TTC17: variants seen among roughly 807,000 people sequenced by gnomAD.
The protein encoded by TTC17 is tetratricopeptide repeat protein 17.
A neutral mutation model predicts 143.8 loss-of-function variants in TTC17; 58 were observed. That is an observed-to-expected ratio of 0.40 (90% confidence interval 0.33 to 0.50). TTC17 has a LOEUF of 0.50. Ranked by LOEUF, TTC17 falls within the 20% of genes least tolerant of loss-of-function variation. TTC17 has a pLI of 0.49. For missense variants in TTC17, 1,273 were observed against 1,392.5 expected, an observed-to-expected ratio of 0.91 and a Z score of 1.37; for synonymous variants, 501 against 497.8, an observed-to-expected ratio of 1.01 and a Z score of -0.09.
At chr11:43,456,103 C>A (rs1292302130) in intron 21 of TTC17, among the ~76,000 whole-genome samples, 1 of 151,962 alleles carries the variant, frequency 6.6e-6, no homozygotes, top group Non-Finnish European at 1.5e-5. Context: ...TATATCCAGA[C>A]TTGTGCAAAC....
At chr11:43,439,672 T>C (rs1947371988) in intron 16 of TTC17, among the ~76,000 whole-genome samples, 1 of 152,090 alleles carries the variant, frequency 6.6e-6, no homozygotes, top group South Asian at 2.1e-4. Flanking sequence ...GGTTTCACCA[T>C]GTTGGCCAGG....
intron 21 of TTC17, among the ~76,000 whole-genome samples, chr11:43,464,092 A>G (rs747036413): frequency 3.3e-4 from 50 of 152,210 alleles, no homozygotes; most frequent in Admixed American, 7.2e-4. Flanking sequence ...CCTGGCCAAC[A>G]TGATGAAACT....
chr11:43,493,034 G>A (rs1019565853), intron 23 of TTC17, among the ~76,000 whole-genome samples: 2 of 152,218 alleles, frequency 1.3e-5, no homozygotes, highest in Non-Finnish European at 2.9e-5. Context: ...AGGTATTGCC[G>A]AATATGCAGA....
Position 43,387,692 on chromosome 11 carries a change from G to A in TTC17, c.250-1960G>A, listed in dbSNP as rs549254550. 8.3e-4 allele frequency among the ~76,000 whole-genome samples: 126 copies of A among 152,002 alleles called. 1 individual carries two copies. The South Asian group carries it at 9.1e-3, about 11-fold the overall frequency. ...CTGAGGGAAAAAGAAAGAACATGGT[G>A]AAGCACACACTAACTCTATAAAACC... is the stretch of plus-strand genomic sequence containing the variant. On this transcript the variant is annotated intron_variant, in intron 2 of 23. Transcript: ENST00000039989.
intron 2 of TTC17, among the ~76,000 whole-genome samples, chr11:43,388,600 A>G (rs1408107665): frequency 1.3e-5 from 2 of 150,644 alleles, no homozygotes; most frequent in South Asian, 2.1e-4. Flanking sequence ...ACACTTTGGG[A>G]GGCCAGGGTG....
chr11:43,382,959 G>A (rs1362300312), intron 2 of TTC17, among the ~76,000 whole-genome samples: 1 of 151,896 alleles, frequency 6.6e-6, no homozygotes, highest in Non-Finnish European at 1.5e-5. Flanking sequence ...GAGTGCAGTG[G>A]CATGAACACG....
intron 15 of TTC17, among the ~76,000 whole-genome samples, chr11:43,412,981 GACACACAC>G (rs57982323): frequency 0.33 from 45,859 of 140,298 alleles, 8,069 homozygotes; most frequent in Non-Finnish European, 0.42. Flanking sequence ...ACCTAGAATA[GACACACAC>G]ACACACACAC....
chr11:43,404,140 A>G lies in TTC17; in HGVS notation c.1475A>G (p.Tyr492Cys), dbSNP rs767352310. The change falls in exon 11 of 24, where the codon TAT (tyrosine) becomes TGT (cysteine). Residue 492 changes from tyrosine to cysteine, a missense_variant. Coordinates refer to ENST00000039989, the MANE Select transcript of TTC17 (RefSeq NM_018259.6). ...ATTTGGGGCAGGGACTCTGATGCAT[A>G]TAGGGTAAGTTAATAGAGGATGACG... ...LWIWGRDSDA[Y>C]RDKQHILWPK... 1 of 1,608,820 alleles carries G rather than the reference A, an allele frequency of 6.2e-7. No individual in the cohort carries two copies. The highest frequency in any genetic ancestry group is 2.2e-5 in the East Asian group (1 of 44,846).
At chr11:43,394,788 G>C (rs1275883560) in intron 5 of TTC17, among the ~76,000 whole-genome samples, 1 of 152,208 alleles carries the variant, frequency 6.6e-6, no homozygotes, top group East Asian at 1.9e-4. Context: ...CTGGGGAAGA[G>C]TGAAGTTTGA....
At chr11:43,384,228 G>T (rs908292650) in intron 2 of TTC17, among the ~76,000 whole-genome samples, 1 of 152,120 alleles carries the variant, frequency 6.6e-6, no homozygotes, top group South Asian at 2.1e-4. Context: ...CATAGAAAAA[G>T]TATCTACTAT....
intron 5 of TTC17, among the ~76,000 whole-genome samples, chr11:43,395,026 AT>A (rs1157099250): frequency 6.6e-6 from 1 of 150,670 alleles, no homozygotes; most frequent in African/African-American, 2.4e-5. Flanking sequence ...TTAAATATAT[AT>A]TTTTATCTTA....
At chr11:43,401,423 T>C (rs1669982550) in intron 9 of TTC17, 23 bp from the exon 10 acceptor site, 3 of 1,526,806 alleles carry the variant, frequency 2.0e-6, no homozygotes, top group Non-Finnish European at 2.7e-6. Flanking sequence ...TCATCATTTG[T>C]GTAATTTCCT....
intron 21 of TTC17, among the ~76,000 whole-genome samples, chr11:43,481,899 T>C (rs564807715): frequency 1.3e-5 from 2 of 152,256 alleles, no homozygotes; most frequent in South Asian, 4.1e-4. Flanking sequence ...AGCCTCTGCC[T>C]CCTGGGTTCA....
At chr11:43,449,009 T>C (rs1218701603) in intron 19 of TTC17, 1 of 152,408 alleles carries the variant, frequency 6.6e-6, no homozygotes, top group African/African-American at 2.4e-5. Context: ...CCACCTACTT[T>C]TCTCCATCCC....
At chr11:43,480,970 A>G in intron 21 of TTC17, among the ~76,000 whole-genome samples, 1 of 152,274 alleles carries the variant, frequency 6.6e-6, no homozygotes, top group African/African-American at 2.4e-5. Flanking sequence ...GAAATCAGAA[A>G]ACTTTTAAAG....
At chr11:43,473,264 A>G (rs1827371251) in intron 21 of TTC17, among the ~76,000 whole-genome samples, 1 of 152,196 alleles carries the variant, frequency 6.6e-6, no homozygotes, top group South Asian at 2.1e-4. Context: ...AAAAAAGCAC[A>G]AAGGGAATTA....
At chr11:43,391,307 G>A (rs761608207) in intron 3 of TTC17, among the ~76,000 whole-genome samples, 158 bp from the exon 4 acceptor site, 12 of 152,276 alleles carry the variant, frequency 7.9e-5, no homozygotes, top group Non-Finnish European at 4.4e-5. Context: ...GCTGAGGTGA[G>A]AGGATCGCTT....
At chr11:43,362,181 GTGTGTGTGTGTGTA>G (rs1376285603) in intron 1 of TTC17, among the ~76,000 whole-genome samples, 1 of 140,926 alleles carries the variant, frequency 7.1e-6, no homozygotes, top group Non-Finnish European at 1.6e-5. Flanking sequence ...GTGTGTGTGT[GTGTGTGTGTGTGTA>G]TTTTTAGTAG....
intron 1 of TTC17, among the ~76,000 whole-genome samples, chr11:43,369,082 A>G (rs1856462259): frequency 6.6e-6 from 1 of 152,166 alleles, no homozygotes; most frequent in Non-Finnish European, 1.5e-5. Flanking sequence ...TTGAGCCTTG[A>G]CTATTGTGTC....
Sources: allele counts gnomAD v4.1 joint callset (sites outside exome capture counted in the v4.1 genomes callset), GRCh38; gene constraint gnomAD v4.1.1; transcripts MANE v1.5; gene names NCBI Gene and HGNC (gene_info 2026-07-23, HGNC 2026-07-21).